Variants in CCSER1 observed in about 807,000 individuals in gnomAD.
CCSER1 encodes the protein serine-rich coiled-coil domain-containing protein 1.
CCSER1 carries 41 observed loss-of-function variants against 82.0 expected under a neutral mutation model. The observed-to-expected ratio is 0.50, with a 90% CI of 0.39 to 0.65. The LOEUF is 0.65. Among genes scored for constraint, CCSER1 ranks in the 30% least tolerant of loss-of-function variants. The pLI, the probability that CCSER1 is intolerant of heterozygous loss-of-function variation, is 0.00. For synonymous variants in CCSER1, 414 were observed against 383.9 expected, an observed-to-expected ratio of 1.08 and a Z score of -0.92; for missense variants, 1,119 against 1,064.2, an observed-to-expected ratio of 1.05 and a Z score of -0.72.
intron 10 of CCSER1, among the ~76,000 whole-genome samples, chr4:91,404,902 CT>C (rs1349302000): frequency 6.6e-6 from 1 of 152,190 alleles, no homozygotes; most frequent in African/African-American, 2.4e-5. Flanking sequence ...CTGTAGATGT[CT>C]ATTAGGTCCA....
chr4:91,194,570 A>G (rs1735252468), intron 10 of CCSER1, among the ~76,000 whole-genome samples: 1 of 152,178 alleles, frequency 6.6e-6, no homozygotes, highest in Non-Finnish European at 1.5e-5. Context: ...TTGTCATAGC[A>G]TTGCTCCACA....
At chr4:90,131,567 C>T (rs966289829) in intron 1 of CCSER1, among the ~76,000 whole-genome samples, 2 of 152,028 alleles carry the variant, frequency 1.3e-5, no homozygotes, top group Non-Finnish European at 2.9e-5. Flanking sequence ...TTTTATTCTT[C>T]ATATAAAATG....
In CCSER1 at chr4:91,114,352, A is replaced by G. The variant is rs151254297; in HGVS notation, c.2217+28358A>G. Among the ~76,000 whole-genome samples, 122 of 152,218 alleles carry G rather than the reference A, an allele frequency of 8.0e-4. 1 individual carries two copies. The highest frequency in any genetic ancestry group is 2.8e-3 in the African/African-American group (115 of 41,552). The stretch of plus-strand genomic sequence containing the variant: ...TCTATAGATACCAATTATGTTGATA[A>G]TGTGACTTCCATTATCAACACTTGG... On this transcript the variant is annotated intron_variant, in intron 10 of 10. Coordinates refer to ENST00000509176, the MANE Select transcript of CCSER1 (RefSeq NM_001145065.2).
intron 10 of CCSER1, among the ~76,000 whole-genome samples, chr4:91,572,831 A>C (rs985272719): frequency 2.0e-5 from 3 of 151,540 alleles, no homozygotes; most frequent in African/African-American, 7.3e-5. Context: ...AAAAAGAAGA[A>C]GCCTGTCCAT....
intron 7 of CCSER1, among the ~76,000 whole-genome samples, chr4:90,736,725 T>G (rs1745711673): frequency 6.6e-6 from 1 of 152,056 alleles, no homozygotes. Context: ...AAGTAAGGAC[T>G]TACTCCTACT....
chr4:91,187,952 T>C lies in CCSER1; in HGVS notation c.2217+101958T>C, dbSNP rs1308498352. ...GATGTTTTGAATCATGAGAAGTTTTTTTTTGTTAAATGTTGCTATGATAGT... is the reference window on the plus strand; with the variant it reads ...GATGTTTTGAATCATGAGAAGTTTTCTTTTGTTAAATGTTGCTATGATAGT... On this transcript the variant is annotated intron_variant, in intron 10 of 10. Coordinates refer to ENST00000509176, the MANE Select transcript of CCSER1 (RefSeq NM_001145065.2). Among the ~76,000 whole-genome samples the C allele has an allele frequency of 2.0e-5, 3 of 152,184 alleles. No individual in the cohort carries two copies. The East Asian group carries it at 5.8e-4, about 29-fold the overall frequency.
intron 10 of CCSER1, among the ~76,000 whole-genome samples, chr4:91,169,058 T>A (rs1235221610): frequency 6.6e-6 from 1 of 152,070 alleles, no homozygotes; most frequent in Non-Finnish European, 1.5e-5. Context: ...ACACAAACAC[T>A]GTGGAAGGCC....
intron 10 of CCSER1, among the ~76,000 whole-genome samples, chr4:91,317,629 T>G (rs1242284817): frequency 6.6e-6 from 1 of 151,740 alleles, no homozygotes; most frequent in Non-Finnish European, 1.5e-5. Context: ...CGCATGTGGG[T>G]GTGGGTGCAT....
At chr4:90,691,769 A>G (rs1174557458) in intron 6 of CCSER1, among the ~76,000 whole-genome samples, 1 of 151,676 alleles carries the variant, frequency 6.6e-6, no homozygotes, top group South Asian at 2.1e-4. Flanking sequence ...TGCATGTCAC[A>G]GGGGTTTGGC....
chr4:90,499,295 G>A lies in CCSER1; in HGVS notation c.1724+30941G>A. Among the ~76,000 whole-genome samples the A allele has an allele frequency of 1.3e-5, 2 of 151,918 alleles. 1 individual carries two copies. Among genetic ancestry groups the A allele is most frequent in the Non-Finnish European group, 2.9e-5 (2 of 67,956 alleles). ...AAATGTATGTCTTCCAAATTCCCTTGTTAAAAATCACCTGCCTCTTACTCA... is the reference window on the plus strand; with the variant it reads ...AAATGTATGTCTTCCAAATTCCCTTATTAAAAATCACCTGCCTCTTACTCA... On this transcript the variant is annotated intron_variant, in intron 5 of 10. Coordinates refer to ENST00000509176, the MANE Select transcript of CCSER1 (RefSeq NM_001145065.2).
chr4:91,144,620 C>T (rs996792700), intron 10 of CCSER1, among the ~76,000 whole-genome samples: 1 of 148,420 alleles, frequency 6.7e-6, no homozygotes, highest in African/African-American at 2.5e-5. Context: ...CCTCTTAAAG[C>T]TTTTTTTTAA....
chr4:91,098,848 G>GT (rs1353826178), intron 10 of CCSER1, among the ~76,000 whole-genome samples: 1 of 149,692 alleles, frequency 6.7e-6, no homozygotes, highest in Non-Finnish European at 1.5e-5. Flanking sequence ...GCTGAGAATT[G>GT]TTTTTTTAAA....
intron 8 of CCSER1, among the ~76,000 whole-genome samples, chr4:90,903,985 T>A (rs1470656346): frequency 1.3e-5 from 2 of 151,720 alleles, no homozygotes; most frequent in South Asian, 4.1e-4. Context: ...GAAAAATTAA[T>A]AATTTTTTTT....
intron 5 of CCSER1, among the ~76,000 whole-genome samples, chr4:90,486,814 C>A (rs1767162628): frequency 6.6e-6 from 1 of 152,222 alleles, no homozygotes; most frequent in Non-Finnish European, 1.5e-5. Context: ...GACTGGAAGA[C>A]TGCATGTATT....
intron 10 of CCSER1, among the ~76,000 whole-genome samples, chr4:91,469,726 AT>A (rs1353214401): frequency 1.3e-5 from 2 of 152,224 alleles, no homozygotes; most frequent in Non-Finnish European, 2.9e-5. Context: ...TGTTTAAACA[AT>A]TCTACATTGG....
chr4:91,261,620 T>C (rs1302244517), intron 10 of CCSER1, among the ~76,000 whole-genome samples: 1 of 152,164 alleles, frequency 6.6e-6, no homozygotes, highest in African/African-American at 2.4e-5. Flanking sequence ...CTTTTGTGAA[T>C]ATTAAATGAG....
At chr4:90,397,401 T>G (rs1752122265) in intron 3 of CCSER1, among the ~76,000 whole-genome samples, 1 of 152,222 alleles carries the variant, frequency 6.6e-6, no homozygotes, top group Non-Finnish European at 1.5e-5. Flanking sequence ...TTTTAAAATT[T>G]TATTTCAAAT....
At chr4:90,851,966 A>C (rs1160173863) in intron 8 of CCSER1, among the ~76,000 whole-genome samples, 2 of 152,328 alleles carry the variant, frequency 1.3e-5, no homozygotes, top group African/African-American at 4.8e-5. Flanking sequence ...AATTTCTTCC[A>C]ACCCTTTGTG....
At chr4:90,709,746 T>C (rs1406173234) in intron 6 of CCSER1, among the ~76,000 whole-genome samples, 1 of 152,124 alleles carries the variant, frequency 6.6e-6, no homozygotes. Context: ...AGTGAACATA[T>C]GCATGCATGT....
Sources: allele counts gnomAD v4.1 joint callset (sites outside exome capture counted in the v4.1 genomes callset), GRCh38; gene constraint gnomAD v4.1.1; transcripts MANE v1.5; gene names NCBI Gene and HGNC (gene_info 2026-07-23, HGNC 2026-07-21).